The following TENM3 variants were observed in gnomAD, a reference collection of about 807,000 sequenced individuals.
TENM3 encodes the protein teneurin transmembrane protein 3, also known as teneurin-3.
Under a neutral mutation model 255.1 loss-of-function variants are expected in TENM3, and 63 were observed. That is an observed-to-expected ratio of 0.25 (90% CI 0.20 to 0.30). The LOEUF is 0.30. Ranked by LOEUF, TENM3 falls within the 10% of genes least tolerant of loss-of-function variation. TENM3 has a pLI of 1.00. For synonymous variants in TENM3, 1,306 were observed against 1,322.3 expected (o/e 0.99, Z 0.27); for missense variants, 2,929 against 3,461.1 (o/e 0.85, Z 3.86).
At chr4:181,889,445 G>A in the TENM3 span, among the ~76,000 whole-genome samples, 89 of 152,234 alleles carry the variant, frequency 5.8e-4, 2 homozygotes, top group African/African-American at 2.1e-3. Flanking sequence ...GAAATAAATC[G>A]CTTTTTCTTT....
rs544639910 is a variant in TENM3 at position 182,509,960 on chromosome 4, G to T, written c.512-90964G>T. Among the ~76,000 whole-genome samples the T allele has an allele frequency of 3.4e-4, 46 of 134,954 alleles. 1 individual carries two copies. The highest frequency in any genetic ancestry group is 6.4e-4 in the Non-Finnish European group (39 of 61,360). The allele number at this position is 134,954 out of a possible 152,430, so 88.5% of individuals were successfully genotyped here. A position where few individuals can be genotyped will look rare whatever the true frequency, so the allele number is the denominator to read the frequency against. On this transcript the variant is annotated intron_variant, in intron 3 of 27. Coordinates refer to ENST00000511685, the MANE Select transcript of TENM3 (RefSeq NM_001080477.4). Reference sequence around the variant, plus strand: ...CTCAAAAAAAAAAAAAAAAAAAAATGTAGGGAGATACAGGTATATTGTTTG... The same window carrying T: ...CTCAAAAAAAAAAAAAAAAAAAAATTTAGGGAGATACAGGTATATTGTTTG...
At chr4:182,688,050 A>G (rs958036258) in intron 11 of TENM3, 116 bp from the exon 12 acceptor site, 42 of 958,428 alleles carry the variant, frequency 4.4e-5, no homozygotes, top group African/African-American at 8.4e-5. Context: ...TTTCTTTTGG[A>G]TGATTTTGTG....
chr4:182,497,427 C>T (rs1286829521), intron 3 of TENM3, among the ~76,000 whole-genome samples: 1 of 152,112 alleles, frequency 6.6e-6, no homozygotes, highest in Non-Finnish European at 1.5e-5. Flanking sequence ...TACTAAATAA[C>T]AAAACAACAA....
the TENM3 span, among the ~76,000 whole-genome samples, chr4:181,795,367 G>C: frequency 1.3e-5 from 2 of 151,968 alleles, no homozygotes; most frequent in Non-Finnish European, 2.9e-5. Flanking sequence ...CATCTCCCCT[G>C]TGTCTCTTCT....
rs1480134780 is a variant in TENM3, at chr4:182,792,425, C to T, written c.5753C>T (p.Pro1918Leu). 6 of 1,614,026 alleles carry T rather than the reference C, an allele frequency of 3.7e-6. No individual in the cohort carries two copies. Among genetic ancestry groups the T allele is most frequent in the Admixed American group, 3.3e-5 (2 of 60,022 alleles). Residue 1918 changes from proline (P) to leucine (L), a missense_variant, in exon 26 of 28, where the codon CCG becomes CTG. Physicochemically the swap from Pro to Leu is moderately conservative, Grantham distance 98. This residue lies in a region of TENM3 where 303 missense variants were observed against 425.2 expected (regional missense o/e 0.71). Transcript: ENST00000511685. The surrounding 1 kb of genome is among the most constrained non-coding windows in gnomAD (Gnocchi z 6.3). The part of the protein sequence containing the change: ...IGYYRNIYNP[P>L]ESNASIITDY... ...TACTACCGCAACATATACAACCCCCCGGAAAGCAACGCCTCCATCATCACG... is the reference window on the plus strand; with the variant it reads ...TACTACCGCAACATATACAACCCCCTGGAAAGCAACGCCTCCATCATCACG...
the TENM3 span, chr4:181,874,403 G>A: frequency 6.6e-6 from 1 of 152,004 alleles, no homozygotes; most frequent in African/African-American, 2.4e-5. Context: ...ACATATTTTT[G>A]AATCTCTGTT....
chr4:182,373,418 G>A (rs569613145), intron 3 of TENM3, among the ~76,000 whole-genome samples: 16 of 152,278 alleles, frequency 1.1e-4, no homozygotes, highest in Middle Eastern at 3.4e-3. Flanking sequence ...GAAGCATGGC[G>A]CCAACATCTA....
At chr4:181,721,251 A>C in the TENM3 span, among the ~76,000 whole-genome samples, 1 of 151,858 alleles carries the variant, frequency 6.6e-6, no homozygotes, top group East Asian at 1.9e-4. Context: ...AGGTCAAGGT[A>C]GAGTTGTGAA....
intron 3 of TENM3, among the ~76,000 whole-genome samples, chr4:182,366,392 A>G (rs78490137): frequency 0.075 from 11,387 of 151,772 alleles, 597 homozygotes; most frequent in Non-Finnish European, 0.11. Context: ...CCTCATTTAT[A>G]TGTCTACATC....
chr4:182,600,808 G>A, intron 3 of TENM3, 116 bp from the exon 4 acceptor site: 1 of 509,878 alleles, frequency 2.0e-6, no homozygotes, highest in Non-Finnish European at 3.3e-6. Flanking sequence ...GGATTTATAT[G>A]CAGTTTTTAA....
chr4:182,046,766 A>G, the TENM3 span, among the ~76,000 whole-genome samples: 1 of 152,128 alleles, frequency 6.6e-6, no homozygotes, highest in East Asian at 1.9e-4. Flanking sequence ...TGTATATAAC[A>G]CAATAATTTC....
At chr4:181,666,150 A>G in the TENM3 span, among the ~76,000 whole-genome samples, 1 of 152,280 alleles carries the variant, frequency 6.6e-6, no homozygotes, top group Non-Finnish European at 1.5e-5. Context: ...ATACATACGC[A>G]AATTAAGTAA....
chr4:182,612,259 G>A (rs1385938505), intron 4 of TENM3, among the ~76,000 whole-genome samples: 7 of 146,694 alleles, frequency 4.8e-5, no homozygotes, highest in Admixed American at 3.4e-4. Context: ...GCAACAGAGC[G>A]AGACTCGGTC....
At chr4:182,125,093 TTGCCC>T in the TENM3 span, among the ~76,000 whole-genome samples, 56 of 134,274 alleles carry the variant, frequency 4.2e-4, no homozygotes, top group African/African-American at 1.5e-3. Context: ...AATCTTCCCA[TTGCCC>T]AGCGCATCCA....
At chr4:181,484,141 C>T in the TENM3 span, among the ~76,000 whole-genome samples, 1 of 151,972 alleles carries the variant, frequency 6.6e-6, no homozygotes, top group Non-Finnish European at 1.5e-5. Context: ...TTTATCCCAG[C>T]TAGTTATAAC....
At chr4:181,466,116 T>TTC in the TENM3 span, among the ~76,000 whole-genome samples, 4 of 102,058 alleles carry the variant, frequency 3.9e-5, no homozygotes, top group Non-Finnish European at 8.2e-5. Flanking sequence ...AGGAATTTTT[T>TTC]TTTTTGTTTT....
At chr4:181,778,558 G>A in the TENM3 span, among the ~76,000 whole-genome samples, 1 of 152,122 alleles carries the variant, frequency 6.6e-6, no homozygotes, top group Non-Finnish European at 1.5e-5. Context: ...GTGTCTTTAT[G>A]ATGGGATGGC....
intron 3 of TENM3, among the ~76,000 whole-genome samples, chr4:182,580,638 T>C (rs1745397552): frequency 6.6e-6 from 1 of 152,210 alleles, no homozygotes; most frequent in Non-Finnish European, 1.5e-5. Flanking sequence ...GTTTTCATTA[T>C]GCTAGTCTCT....
the TENM3 span, among the ~76,000 whole-genome samples, chr4:181,447,775 G>A: frequency 6.6e-6 from 1 of 152,124 alleles, no homozygotes; most frequent in Non-Finnish European, 1.5e-5. Context: ...GGGGAGCGGT[G>A]AGTACCCATG....
Sources: allele counts gnomAD v4.1 joint callset (sites outside exome capture counted in the v4.1 genomes callset), GRCh38; gene constraint gnomAD v4.1.1; regional missense constraint gnomAD v4.1.1; non-coding constraint Gnocchi (gnomAD v3.1); transcripts MANE v1.5; gene names NCBI Gene and HGNC (gene_info 2026-07-23, HGNC 2026-07-21).